RAD21: variants seen among roughly 807,000 people sequenced by gnomAD.
RAD21 encodes double-strand-break repair protein rad21 homolog.
A neutral mutation model predicts 71.5 loss-of-function variants in RAD21; 18 were observed. The ratio of observed to expected loss-of-function variants is 0.25; its 90% CI spans 0.17 to 0.37. The LOEUF is 0.37. RAD21 is among the 10% of genes least tolerant of loss of function. RAD21 has a pLI of 1.00. For missense variants in RAD21, 493 were observed against 769.1 expected (o/e 0.64, Z 4.25); for synonymous variants, 248 against 254.0 (o/e 0.98, Z 0.22).
intron 13 of RAD21, among the ~76,000 whole-genome samples, chr8:116,848,019 T>C (rs1021243284): frequency 6.6e-6 from 1 of 152,226 alleles, no homozygotes; most frequent in Non-Finnish European, 1.5e-5. Flanking sequence ...CCTTCCACCA[T>C]GACTATAAGC....
intron 2 of RAD21, among the ~76,000 whole-genome samples, chr8:116,864,330 G>A (rs16889007): frequency 0.029 from 4,476 of 152,130 alleles, 92 homozygotes; most frequent in Middle Eastern, 0.078. Context: ...TTTGCTTAAT[G>A]TTTAAATTAT....
Position 116,852,723 on chromosome 8 carries a change from AAAAAG to A in RAD21, c.1162-20_1162-16del. On this transcript the variant is annotated splice_polypyrimidine_tract_variant and intron_variant, in intron 9 of 13. Transcript: ENST00000297338. Reference sequence around the variant, plus strand: ...CGTGTAAAGAGCTATTAAAAAAAAAAAAAAGAAAAATTTCAATTATAAAATAAATC... The same window carrying A: ...CGTGTAAAGAGCTATTAAAAAAAAAAAAAAATTTCAATTATAAAATAAATC... 1 of 1,476,152 alleles carries A rather than the reference AAAAAG, an allele frequency of 6.8e-7. No homozygotes were observed. The highest frequency in any genetic ancestry group is 2.4e-5 in the Admixed American group (1 of 41,008). The allele number at this position is 1,476,152 out of a possible 1,614,324, so 91.4% of individuals were successfully genotyped here.
At chr8:116,870,162 A>C (rs1284810301) in intron 1 of RAD21, among the ~76,000 whole-genome samples, 1 of 152,162 alleles carries the variant, frequency 6.6e-6, no homozygotes, top group Non-Finnish European at 1.5e-5. Flanking sequence ...ACTTTTCCTC[A>C]AAAGAAAAAA....
chr8:116,860,174 C>A (rs1378431653), intron 4 of RAD21, among the ~76,000 whole-genome samples: 1 of 152,136 alleles, frequency 6.6e-6, no homozygotes, highest in African/African-American at 2.4e-5. Context: ...AAAACTTTAA[C>A]AAATGAGGAG....
intron 1 of RAD21, among the ~76,000 whole-genome samples, chr8:116,873,869 A>G (rs1458217287): frequency 6.6e-6 from 1 of 152,206 alleles, no homozygotes; most frequent in Non-Finnish European, 1.5e-5. Flanking sequence ...AACACCCGAT[A>G]TCCTTAATCA....
At position 116,847,433 on chromosome 8, in the gene RAD21, C is replaced by T. The variant is rs1812270306; in HGVS notation, c.*67G>A. On this transcript the variant is annotated 3_prime_UTR_variant, in exon 14 of 14. Transcript: ENST00000297338. ...TAAGTTTTCTCAAAGGGTTCTGTGT[C>T]CCCTACACATGGGGGCAATTTGTAA... 5.8e-6 allele frequency: 8 copies of T among 1,371,880 alleles called. No homozygotes were observed. Among genetic ancestry groups the T allele is most frequent in the Non-Finnish European group, 9.9e-7 (1 of 1,006,910 alleles). The allele number at this position is 1,371,880 out of a possible 1,614,324, so 85.0% of individuals were successfully genotyped here. A position where few individuals can be genotyped will look rare whatever the true frequency, so the allele number is the denominator to read the frequency against.
At chr8:116,869,152 C>T (rs892559662) in intron 1 of RAD21, among the ~76,000 whole-genome samples, 26 of 151,914 alleles carry the variant, frequency 1.7e-4, no homozygotes, top group African/African-American at 4.6e-4. Flanking sequence ...TTTTGCTCTA[C>T]GAAAGAAATG....
chr8:116,863,134 C>T lies in RAD21; in HGVS notation c.270G>A (p.Arg90=), dbSNP rs1812625078. 1 of 1,600,808 alleles carries T rather than the reference C, an allele frequency of 6.2e-7. No homozygotes were observed. The highest frequency in any genetic ancestry group is 8.5e-7 in the Non-Finnish European group (1 of 1,171,514). ...ACCAAACAAGTTTAACAATACCTGG[C>T]CGAAAAGCCATCTTTATCTTAATGA... The part of the protein sequence containing the change: ...EAFIKIKMAF[R]PGVVDLPEEN... The change falls in exon 3 of 14, where the codon CGG becomes CGA. Residue 90 remains arginine, a synonymous_variant. Transcript: ENST00000297338.
chr8:116,848,691 T>TCTC (rs1445776771), intron 13 of RAD21, among the ~76,000 whole-genome samples: 1 of 151,658 alleles, frequency 6.6e-6, no homozygotes, highest in African/African-American at 2.4e-5. Flanking sequence ...CCACAAGCAT[T>TCTC]CTCCTCCATG....
chr8:116,855,387 GTCATTCAGAAGCAGCCTTCC>G (rs1188988586), intron 8 of RAD21, among the ~76,000 whole-genome samples: 4 of 152,062 alleles, frequency 2.6e-5, no homozygotes, highest in African/African-American at 9.7e-5. Context: ...CAAATTGTCT[GTCATTCAGAAGCAGCCTTCC>G]TCAAATTAAA....
Position 116,853,848 on chromosome 8 carries a change from A to C in RAD21, c.1161+397T>G, listed in dbSNP as rs181519941. 8.5e-5 allele frequency among the ~76,000 whole-genome samples: 13 copies of C among 152,292 alleles called. No homozygotes were observed. In the East Asian group the frequency reaches 1.5e-3, roughly 18 times the overall value. ...TGGAAAAACAAACAAACAAACAAAA[A>C]AACAAAACAACAAAAAACCTCCTGA... On this transcript the variant is annotated intron_variant, in intron 9 of 13. Transcript: ENST00000297338.
At chr8:116,866,189 A>C (rs1365279377) in intron 2 of RAD21, among the ~76,000 whole-genome samples, 1 of 150,848 alleles carries the variant, frequency 6.6e-6, no homozygotes, top group Non-Finnish European at 1.5e-5. Flanking sequence ...CAATCATATA[A>C]TATGTAGCCT....
intron 8 of RAD21, among the ~76,000 whole-genome samples, 175 bp downstream of exon 8, chr8:116,855,991 G>T (rs976687284): frequency 6.8e-6 from 1 of 147,232 alleles, no homozygotes; most frequent in African/African-American, 2.7e-5. Context: ...TGACATAAAA[G>T]CAAGAAGCTA....
At chr8:116,856,079 C>T in intron 8 of RAD21, 87 bp downstream of exon 8, 4 of 1,436,422 alleles carry the variant, frequency 2.8e-6, no homozygotes, top group East Asian at 2.5e-5. Flanking sequence ...TTATCTAATA[C>T]AACAGTAGCA....
intron 9 of RAD21, among the ~76,000 whole-genome samples, chr8:116,852,994 T>C (rs904180490): frequency 6.6e-6 from 1 of 152,242 alleles, no homozygotes; most frequent in African/African-American, 2.4e-5. Flanking sequence ...ATTCATCAAT[T>C]AAAACTCATC....
chr8:116,858,918 A>C (rs937385821), intron 4 of RAD21, among the ~76,000 whole-genome samples: 1 of 152,032 alleles, frequency 6.6e-6, no homozygotes. Context: ...CAATCTAAAC[A>C]CTATCAGCCA....
rs1462000579 is a variant in RAD21, at chr8:116,857,414, C to T, written c.541G>A (p.Asp181Asn). 6 of 1,613,400 alleles carry T rather than the reference C, an allele frequency of 3.7e-6. No homozygotes were observed. The highest frequency in any genetic ancestry group is 1.7e-4 in the Middle Eastern group (1 of 5,972). ...MREGSAFEDD[D>N]MLVSTTTSNL... ...GAAGTAGTAGTGCTTACTAACATGT[C>T]GTCATCCTCAAAAGCACTGCCTTCT... Residue 181 changes from aspartate (D) to asparagine (N), a missense_variant, in exon 6 of 14, where the codon GAC becomes AAC. Asp to Asn is a conservative substitution (Grantham distance 23). Transcript: ENST00000297338.
chr8:116,869,689 T>C (rs1812770642), intron 1 of RAD21, among the ~76,000 whole-genome samples: 1 of 151,918 alleles, frequency 6.6e-6, no homozygotes, highest in African/African-American at 2.4e-5. Flanking sequence ...ATTTGAGAAA[T>C]ACAAATTAAG....
intron 4 of RAD21, among the ~76,000 whole-genome samples, chr8:116,860,189 T>C (rs1247837277): frequency 1.3e-5 from 2 of 152,188 alleles, no homozygotes; most frequent in Non-Finnish European, 2.9e-5. Context: ...GAGGAGTTAC[T>C]TCTTATGGAT....
Sources: gnomAD v4.1 joint callset for allele counts (sites outside exome capture counted in the v4.1 genomes callset) on GRCh38, gnomAD v4.1.1 for gene constraint, MANE v1.5 for transcripts, NCBI Gene and HGNC (gene_info 2026-07-23, HGNC 2026-07-21) for gene names.